RBFOX1: variants seen among roughly 807,000 people sequenced by gnomAD.
RBFOX1 encodes the protein RNA binding protein fox-1 homolog 1.
A neutral mutation model predicts 57.7 loss-of-function variants in RBFOX1; 8 were observed. The ratio of observed to expected loss-of-function variants is 0.14; its 90% confidence interval spans 0.08 to 0.25. The LOEUF is 0.25. Ranked by LOEUF, RBFOX1 falls within the 10% of genes least tolerant of loss-of-function variation. The pLI is 1.00. For missense variants in RBFOX1, 611 were observed against 548.5 expected, an observed-to-expected ratio of 1.11 and a Z score of -1.14; for synonymous variants, 326 against 222.4, an observed-to-expected ratio of 1.47 and a Z score of -4.15.
chr16:6,452,100 A>G (rs1471473219), intron 2 of RBFOX1, among the ~76,000 whole-genome samples: 2 of 130,288 alleles, frequency 1.5e-5, no homozygotes, highest in African/African-American at 6.0e-5. Flanking sequence ...CCTTCCTTCC[A>G]TGGCTCCATC....
chr16:7,162,821 A>G (rs922291626), intron 4 of RBFOX1, among the ~76,000 whole-genome samples: 5 of 152,104 alleles, frequency 3.3e-5, no homozygotes, highest in African/African-American at 1.2e-4. Context: ...CTTCTTCCTC[A>G]TCTTTTGTTG....
intron 3 of RBFOX1, among the ~76,000 whole-genome samples, chr16:5,612,457 T>TA (rs141202803): frequency 0.1 from 15,568 of 152,172 alleles, 1,267 homozygotes; most frequent in East Asian, 0.39. Flanking sequence ...TACAGTTTAG[T>TA]GAGACAGAGA....
chr16:5,480,620 T>C (rs1237951366), intron 2 of RBFOX1, among the ~76,000 whole-genome samples: 1 of 152,226 alleles, frequency 6.6e-6, no homozygotes, highest in African/African-American at 2.4e-5. Context: ...TGTAGAAAAT[T>C]CACCCATGGC....
intron 3 of RBFOX1, among the ~76,000 whole-genome samples, chr16:6,957,641 G>C (rs1272880504): frequency 6.6e-6 from 1 of 152,092 alleles, no homozygotes; most frequent in Non-Finnish European, 1.5e-5. Context: ...CCCGTATCTT[G>C]TGCCGACATC....
chr16:7,108,451 G>C (rs1205226858), intron 4 of RBFOX1, among the ~76,000 whole-genome samples: 1 of 152,112 alleles, frequency 6.6e-6, no homozygotes, highest in African/African-American at 2.4e-5. Flanking sequence ...GTATACAATT[G>C]ATTCATCCAT....
intron 3 of RBFOX1, among the ~76,000 whole-genome samples, chr16:5,615,667 TG>T (rs1264043056): frequency 6.6e-6 from 1 of 152,202 alleles, no homozygotes; most frequent in Non-Finnish European, 1.5e-5. Flanking sequence ...TCAGCCACTT[TG>T]GATCGAGCCG....
chr16:6,788,745 G>A (rs545932857), intron 3 of RBFOX1, among the ~76,000 whole-genome samples: 58 of 151,806 alleles, frequency 3.8e-4, no homozygotes, highest in Non-Finnish European at 7.4e-4. Flanking sequence ...AGAGTGCTGG[G>A]ATTACAGGTG....
chr16:7,495,522 C>T lies in RBFOX1; in HGVS notation c.28-22625C>T, dbSNP rs552042180. On this transcript the variant is annotated intron_variant, in intron 4 of 15. Transcript: ENST00000550418. ...TTACTAATAGGCATTTTGACTGGTG[C>T]GAGATGGTATCTCACTGTGGTTTAG... is the stretch of plus-strand genomic sequence containing the variant. Among the ~76,000 whole-genome samples the T allele has an allele frequency of 1.3e-3, 203 of 152,270 alleles. 1 individual carries two copies. The Middle Eastern group carries it at 0.017, about 13-fold the overall frequency.
chr16:5,297,273 G>A (rs1440832743), intron 1 of RBFOX1, among the ~76,000 whole-genome samples: 1 of 152,182 alleles, frequency 6.6e-6, no homozygotes, highest in Non-Finnish European at 1.5e-5. Flanking sequence ...CCAGATGTGT[G>A]ACTGCTGGAT....
intron 4 of RBFOX1, among the ~76,000 whole-genome samples, chr16:7,503,742 C>G (rs879691145): frequency 6.6e-6 from 1 of 152,182 alleles, no homozygotes; most frequent in Non-Finnish European, 1.5e-5. Flanking sequence ...ATGCATCTGT[C>G]TGTTCTTTCC....
intron 3 of RBFOX1, among the ~76,000 whole-genome samples, chr16:7,015,495 A>C (rs1477848206): frequency 6.6e-6 from 1 of 152,154 alleles, no homozygotes; most frequent in African/African-American, 2.4e-5. Flanking sequence ...GAGGCTGGGG[A>C]GAGGAAAAAG....
chr16:7,298,484 G>T (rs2095953082), intron 4 of RBFOX1, among the ~76,000 whole-genome samples: 2 of 151,686 alleles, frequency 1.3e-5, no homozygotes, highest in African/African-American at 2.4e-5. Flanking sequence ...TTGAGAGAGG[G>T]TTTCACCATC....
Position 7,681,719 on chromosome 16 carries a change from AT to A in RBFOX1, c.995+4891del, listed in dbSNP as rs540379324. On this transcript the variant is annotated intron_variant, in intron 14 of 15. Coordinates refer to ENST00000550418, the MANE Select transcript of RBFOX1 (RefSeq NM_018723.4). Reference sequence around the variant, plus strand: ...TGTATTTTATGGACATTATGTTTTCATTTTTTTTTTCCCATGGGATAGGATA... The same window carrying A: ...TGTATTTTATGGACATTATGTTTTCATTTTTTTTTCCCATGGGATAGGATA... Among the ~76,000 whole-genome samples, 804 of 150,132 alleles carry A rather than the reference AT, an allele frequency of 5.4e-3. 4 individuals are homozygous for A. The highest frequency in any genetic ancestry group is 9.2e-3 in the African/African-American group (377 of 40,898).
intron 4 of RBFOX1, among the ~76,000 whole-genome samples, chr16:7,409,577 T>A (rs189365978): frequency 4.1e-4 from 62 of 152,344 alleles, no homozygotes; most frequent in Non-Finnish European, 8.1e-4. Context: ...GCATTGAATA[T>A]GTATGTGTGC....
At chr16:7,446,367 A>T (rs1467423109) in intron 4 of RBFOX1, among the ~76,000 whole-genome samples, 1 of 152,212 alleles carries the variant, frequency 6.6e-6, no homozygotes, top group East Asian at 1.9e-4. Context: ...ATCTAATTTC[A>T]GAAGTTGAGG....
chr16:7,222,990 A>G (rs887129394), intron 4 of RBFOX1, among the ~76,000 whole-genome samples: 10 of 152,162 alleles, frequency 6.6e-5, no homozygotes, highest in African/African-American at 2.4e-4. Context: ...TCTGGGCTGC[A>G]TGGTCAGACC....
chr16:7,121,170 G>T (rs2067096374), intron 4 of RBFOX1, among the ~76,000 whole-genome samples: 1 of 151,994 alleles, frequency 6.6e-6, no homozygotes, highest in Admixed American at 6.6e-5. Context: ...ACTTATTGGT[G>T]AAAAAGTGAC....
intron 1 of RBFOX1, among the ~76,000 whole-genome samples, chr16:5,277,280 A>C (rs1488728877): frequency 1.3e-5 from 2 of 152,128 alleles, no homozygotes; most frequent in East Asian, 1.9e-4. Context: ...GACGAGAATG[A>C]AACAGTGGAC....
chr16:6,464,037 T>A (rs1186253756), intron 2 of RBFOX1, among the ~76,000 whole-genome samples: 1 of 152,198 alleles, frequency 6.6e-6, no homozygotes, highest in African/African-American at 2.4e-5. Flanking sequence ...CTGTTCCTGA[T>A]TAATGTGAAT....
Sources: allele counts gnomAD v4.1 joint callset (sites outside exome capture counted in the v4.1 genomes callset), GRCh38; gene constraint gnomAD v4.1.1; transcripts MANE v1.5; gene names NCBI Gene and HGNC (gene_info 2026-07-23, HGNC 2026-07-21).